The following KCNAB1 variants were observed in gnomAD, a reference collection of about 807,000 sequenced individuals.
The protein encoded by KCNAB1 is voltage-gated potassium channel subunit beta-1.
In KCNAB1, 35 loss-of-function variants were observed where a neutral mutation model predicts 64.6. The ratio of observed to expected loss-of-function variants is 0.54; its 90% CI spans 0.41 to 0.72. The LOEUF is 0.72. Ranked by LOEUF, KCNAB1 falls within the 30% of genes least tolerant of loss-of-function variation. The pLI is 0.00. For synonymous variants in KCNAB1, 177 were observed against 183.8 expected, an observed-to-expected ratio of 0.96 and a Z score of 0.30; for missense variants, 401 against 512.9, an observed-to-expected ratio of 0.78 and a Z score of 2.11.
At chr3:156,240,344 T>G (rs959132068) in intron 1 of KCNAB1, among the ~76,000 whole-genome samples, 3 of 152,170 alleles carry the variant, frequency 2.0e-5, no homozygotes, top group Non-Finnish European at 4.4e-5. Context: ...TTTTCTTCCC[T>G]CAATTAAATT....
rs1719117874 is a variant in KCNAB1 at position 156,537,229 on chromosome 3, A to ATATC, written c.*484_*487dup. 1 of 341,534 alleles carries ATATC rather than the reference A, an allele frequency of 2.9e-6. No individual in the cohort carries two copies. Among genetic ancestry groups the ATATC allele is most frequent in the Admixed American group, 6.3e-5 (1 of 15,990 alleles). 21.2% of individuals were successfully genotyped at this position (341,534 alleles called of 1,614,324 possible). On this transcript the variant is annotated 3_prime_UTR_variant, in exon 14 of 14. Transcript: ENST00000490337. ...TGTTAAGTAAATAGTTATTAAAAATATATCTCACTGCAAAAAAAAAAAAGC... is the reference window on the plus strand; with the variant it reads ...TGTTAAGTAAATAGTTATTAAAAATATATCTATCTCACTGCAAAAAAAAAAAAGC...
intron 2 of KCNAB1, 148 bp downstream of exon 2, chr3:156,421,807 T>C (rs1715481772): frequency 1.5e-6 from 1 of 648,012 alleles, no homozygotes. Context: ...CCTTTGAGCC[T>C]TTCTCTTCCC....
chr3:156,443,922 C>T (rs1037365469), intron 2 of KCNAB1, among the ~76,000 whole-genome samples: 10 of 152,284 alleles, frequency 6.6e-5, no homozygotes, highest in African/African-American at 2.2e-4. Context: ...GGTGTGAAAG[C>T]ATCCCACCCC....
At chr3:156,291,112 T>C in intron 1 of KCNAB1, 2 of 985,456 alleles carry the variant, frequency 2.0e-6, no homozygotes, top group Non-Finnish European at 1.2e-6. Context: ...ACCCTCCCGA[T>C]TTGTTACAGC....
chr3:156,151,310 C>T (rs563248250), intron 1 of KCNAB1, among the ~76,000 whole-genome samples: 1 of 152,258 alleles, frequency 6.6e-6, no homozygotes, highest in Admixed American at 6.5e-5. Context: ...GATTCCTCTT[C>T]CTCTCCTTAT....
chr3:156,297,121 C>A (rs1720837266), intron 1 of KCNAB1, among the ~76,000 whole-genome samples: 1 of 152,216 alleles, frequency 6.6e-6, no homozygotes, highest in African/African-American at 2.4e-5. Context: ...AGGGCTCCCT[C>A]ATGTTACCCA....
intron 1 of KCNAB1, among the ~76,000 whole-genome samples, chr3:156,315,491 C>A (rs1471607842): frequency 6.6e-6 from 1 of 152,188 alleles, no homozygotes; most frequent in African/African-American, 2.4e-5. Context: ...CAGATACAAG[C>A]ACTGGTTCTC....
intron 1 of KCNAB1, among the ~76,000 whole-genome samples, chr3:156,214,691 C>G (rs187839255): frequency 2.0e-5 from 3 of 152,264 alleles, no homozygotes; most frequent in Admixed American, 6.5e-5. Flanking sequence ...CAGGAAACCA[C>G]CCGACCGTAT....
At chr3:156,170,549 T>C (rs1005718181) in intron 1 of KCNAB1, among the ~76,000 whole-genome samples, 1 of 152,214 alleles carries the variant, frequency 6.6e-6, no homozygotes, top group African/African-American at 2.4e-5. Flanking sequence ...ATCAGCTATT[T>C]GTTGTTTGGA....
At chr3:156,326,659 C>A (rs540188833) in intron 1 of KCNAB1, among the ~76,000 whole-genome samples, 1 of 152,136 alleles carries the variant, frequency 6.6e-6, no homozygotes, top group South Asian at 2.1e-4. Flanking sequence ...GCAGCATGCT[C>A]CTGCCTGAGG....
intron 1 of KCNAB1, among the ~76,000 whole-genome samples, chr3:156,241,476 G>A (rs1560153581): frequency 6.6e-6 from 1 of 152,194 alleles, no homozygotes; most frequent in Non-Finnish European, 1.5e-5. Flanking sequence ...GTCATCTCAG[G>A]AATATTCTTT....
intron 1 of KCNAB1, among the ~76,000 whole-genome samples, chr3:156,203,981 A>G (rs1236465096): frequency 6.6e-6 from 1 of 152,120 alleles, no homozygotes; most frequent in Admixed American, 6.5e-5. Context: ...TCTTTTGCTC[A>G]TTGCTGGGAC....
intron 1 of KCNAB1, among the ~76,000 whole-genome samples, chr3:156,296,730 C>T (rs1720810730): frequency 6.6e-6 from 1 of 152,134 alleles, no homozygotes; most frequent in Admixed American, 6.5e-5. Flanking sequence ...ACCTCGGCCT[C>T]CCAAAGTGCT....
intron 1 of KCNAB1, among the ~76,000 whole-genome samples, chr3:156,148,203 C>T (rs1474185032): frequency 2.0e-5 from 3 of 152,182 alleles, no homozygotes; most frequent in Non-Finnish European, 4.4e-5. Flanking sequence ...AACTCCAACC[C>T]ACAGGGTCTC....
At chr3:156,494,531 T>G (rs889286894) in intron 8 of KCNAB1, among the ~76,000 whole-genome samples, 2 of 152,190 alleles carry the variant, frequency 1.3e-5, no homozygotes, top group African/African-American at 4.8e-5. Flanking sequence ...AAGGACAGCT[T>G]GGGAACTAAT....
chr3:156,380,841 T>C (rs145885207), intron 1 of KCNAB1, among the ~76,000 whole-genome samples: 201 of 152,300 alleles, frequency 1.3e-3, no homozygotes, highest in African/African-American at 4.4e-3. Flanking sequence ...TTGAGGGGTA[T>C]AGTCTGCTGA....
intron 1 of KCNAB1, among the ~76,000 whole-genome samples, chr3:156,206,850 G>GA (rs1488019318): frequency 4.0e-5 from 6 of 151,030 alleles, no homozygotes; most frequent in Non-Finnish European, 8.8e-5. Context: ...TTATTTCTTG[G>GA]AAAAAATATG....
chr3:156,515,502 A>G lies in KCNAB1; in HGVS notation c.865+282A>G, dbSNP rs144688095. Among the ~76,000 whole-genome samples, 855 of 152,234 alleles carry G rather than the reference A, an allele frequency of 5.6e-3. 6 individuals are homozygous for G. The highest frequency in any genetic ancestry group is 0.013 in the South Asian group (61 of 4,822). ...TGTTCAAAAAAAAAATGCATACTGA[A>G]TAAAAGGAACAACCAATGAATAAGT... is the stretch of plus-strand genomic sequence containing the variant. On this transcript the variant is annotated intron_variant, in intron 10 of 13. Transcript: ENST00000490337.
chr3:156,339,035 A>C (rs539487302), intron 1 of KCNAB1, among the ~76,000 whole-genome samples: 1 of 152,314 alleles, frequency 6.6e-6, no homozygotes, highest in East Asian at 1.9e-4. Flanking sequence ...AGCAAGGGGC[A>C]TGGCAAGGGT....
Sources: gnomAD v4.1 joint callset for allele counts (sites outside exome capture counted in the v4.1 genomes callset) on GRCh38, gnomAD v4.1.1 for gene constraint, MANE v1.5 for transcripts, NCBI Gene and HGNC (gene_info 2026-07-23, HGNC 2026-07-21) for gene names.